The following NBEA variants were observed in gnomAD, a reference collection of about 807,000 sequenced individuals.
The protein encoded by NBEA is lysosomal-trafficking regulator 2.
A neutral mutation model predicts 343.4 loss-of-function variants in NBEA; 44 were observed. The observed-to-expected ratio is 0.13, with a 90% CI of 0.10 to 0.16. NBEA has a LOEUF of 0.16. Among genes scored for constraint, NBEA ranks in the 10% least tolerant of loss-of-function variants. The probability of loss-of-function intolerance (pLI) is 1.00; values close to 1 mark genes in which losing one functional copy is unlikely to be tolerated. For missense variants in NBEA, 2,555 were observed against 3,631.3 expected (o/e 0.70, Z 7.62); for synonymous variants, 1,175 against 1,238.7 (o/e 0.95, Z 1.08).
At chr13:35,387,683 G>C (rs1170793902) in intron 38 of NBEA, among the ~76,000 whole-genome samples, 1 of 152,088 alleles carries the variant, frequency 6.6e-6, no homozygotes, top group Non-Finnish European at 1.5e-5. Context: ...CTTTAAGTTA[G>C]CCTGAAAAGG....
chr13:35,119,676 C>T (rs2066686747), intron 16 of NBEA, among the ~76,000 whole-genome samples: 1 of 152,174 alleles, frequency 6.6e-6, no homozygotes, highest in African/African-American at 2.4e-5. Context: ...AGCTCCACTT[C>T]CCGGGTTCAC....
intron 36 of NBEA, among the ~76,000 whole-genome samples, chr13:35,326,920 C>T (rs1037562041): frequency 6.6e-5 from 10 of 151,928 alleles, no homozygotes; most frequent in Non-Finnish European, 1.3e-4. Context: ...CTATAAAGAA[C>T]TTAAACAAAT....
intron 1 of NBEA, among the ~76,000 whole-genome samples, chr13:35,027,550 T>G (rs182559886): frequency 1.3e-5 from 2 of 152,030 alleles, no homozygotes; most frequent in African/African-American, 2.4e-5. Flanking sequence ...CCAGCTTCTT[T>G]ACTGTTGATT....
intron 38 of NBEA, among the ~76,000 whole-genome samples, chr13:35,359,509 C>CA (rs35199364): frequency 0.14 from 21,820 of 151,514 alleles, 2,080 homozygotes; most frequent in African/African-American, 0.28. Context: ...GCTATTCTAC[C>CA]AAAAAAATAG....
At chr13:35,223,845 C>A (rs2074506853) in intron 33 of NBEA, among the ~76,000 whole-genome samples, 1 of 152,136 alleles carries the variant, frequency 6.6e-6, no homozygotes, top group South Asian at 2.1e-4. Context: ...GTCCAACACT[C>A]AGGTCACACT....
chr13:35,419,716 C>G (rs1566104536), intron 38 of NBEA, among the ~76,000 whole-genome samples: 1 of 151,544 alleles, frequency 6.6e-6, no homozygotes, highest in Non-Finnish European at 1.5e-5. Flanking sequence ...AATATCTACC[C>G]CCACCCCCCG....
At chr13:35,494,721 A>G (rs941186734) in intron 41 of NBEA, among the ~76,000 whole-genome samples, 1 of 152,170 alleles carries the variant, frequency 6.6e-6, no homozygotes, top group African/African-American at 2.4e-5. Context: ...AAACAGTCCA[A>G]TAAAAAATCA....
chr13:35,156,327 G>C (rs887442033), intron 20 of NBEA, 121 bp downstream of exon 20: 1 of 976,070 alleles, frequency 1.0e-6, no homozygotes, highest in Non-Finnish European at 1.4e-6. Flanking sequence ...ATCAGAAAAG[G>C]CATTTTATGT....
Position 35,070,754 on chromosome 13 carries a change from T to C in NBEA, c.1473T>C (p.Ser491=). 6.2e-7 allele frequency: 1 copy of C among 1,608,154 alleles called. No individual in the cohort carries two copies. The highest frequency in any genetic ancestry group is 8.5e-7 in the Non-Finnish European group (1 of 1,177,278). ...CGATAGTAACACATTCAATTCATAGTGCAATTCATTCAATTGGAGGGATTC... is the reference window on the plus strand; with the variant it reads ...CGATAGTAACACATTCAATTCATAGCGCAATTCATTCAATTGGAGGGATTC... ...VKAIVTHSIH[S]AIHSIGGIQV... The change falls in exon 10 of 59, where the codon AGT becomes AGC. Residue 491 remains serine (S), a synonymous_variant. Coordinates refer to ENST00000379939, the MANE Select transcript of NBEA (RefSeq NM_001385012.1).
At position 35,634,823 on chromosome 13, in the gene NBEA, A is replaced by G. The variant is rs530034936; in HGVS notation, c.7617+6575A>G. Among the ~76,000 whole-genome samples, 5 of 151,892 alleles carry G rather than the reference A, an allele frequency of 3.3e-5. No individual in the cohort carries two copies. In the South Asian group the frequency reaches 1.0e-3, roughly 32 times the overall value. On this transcript the variant is annotated intron_variant, in intron 49 of 58. Coordinates refer to ENST00000379939, the MANE Select transcript of NBEA (RefSeq NM_001385012.1). ...TTCTTAGCTTATAGTTTCTTTTTCT[A>G]TCTTTTTCTCAATCTGACAGGGATA...
At chr13:35,374,417 G>A (rs1368137820) in intron 38 of NBEA, among the ~76,000 whole-genome samples, 1 of 152,142 alleles carries the variant, frequency 6.6e-6, no homozygotes, top group Non-Finnish European at 1.5e-5. Context: ...AATATTGGAA[G>A]AATTACGAAA....
At chr13:35,446,950 C>G (rs1342357305) in intron 39 of NBEA, among the ~76,000 whole-genome samples, 2 of 151,606 alleles carry the variant, frequency 1.3e-5, no homozygotes, top group Non-Finnish European at 3.0e-5. Flanking sequence ...GTGGTTATAT[C>G]TCTTTTCTTT....
intron 41 of NBEA, among the ~76,000 whole-genome samples, chr13:35,506,844 A>G (rs1427555885): frequency 2.0e-5 from 3 of 152,136 alleles, no homozygotes; most frequent in African/African-American, 7.2e-5. Flanking sequence ...TAGAGTTTGA[A>G]GGTATTTTCT....
intron 1 of NBEA, among the ~76,000 whole-genome samples, chr13:34,964,612 G>A (rs183541249): frequency 4.8e-4 from 73 of 152,112 alleles, no homozygotes; most frequent in South Asian, 2.1e-3. Context: ...TGAGAGTGAT[G>A]TTGGGGCCCA....
At chr13:35,645,727 T>TTTG in intron 49 of NBEA, 142 bp from the exon 50 acceptor site, 1 of 453,060 alleles carries the variant, frequency 2.2e-6, no homozygotes, top group Non-Finnish European at 3.9e-6. Context: ...TAACAAAAGT[T>TTTG]TTGTTATATT....
chr13:35,014,729 G>A (rs1465023012), intron 1 of NBEA, among the ~76,000 whole-genome samples: 1 of 151,880 alleles, frequency 6.6e-6, no homozygotes, highest in African/African-American at 2.4e-5. Context: ...CTTCTTGGTG[G>A]GAGCAGACAC....
intron 30 of NBEA, among the ~76,000 whole-genome samples, chr13:35,193,083 TTTG>T (rs756118697): frequency 1.3e-5 from 2 of 151,964 alleles, no homozygotes; most frequent in Non-Finnish European, 2.9e-5. Flanking sequence ...TGTTAAAGTT[TTTG>T]TTTCTGCATT....
chr13:35,207,849 A>G (rs552817268), intron 31 of NBEA, among the ~76,000 whole-genome samples: 2 of 152,234 alleles, frequency 1.3e-5, no homozygotes, highest in Admixed American at 6.5e-5. Flanking sequence ...AATAAAGCAT[A>G]ACTTTATTGT....
intron 1 of NBEA, among the ~76,000 whole-genome samples, chr13:34,995,423 G>GAAA (rs35718599): frequency 9.0e-5 from 13 of 143,666 alleles, no homozygotes; most frequent in Admixed American, 8.3e-4. Flanking sequence ...CCTGTCTCAA[G>GAAA]AAAAAAAAAA....
Sources: gnomAD v4.1 joint callset for allele counts (sites outside exome capture counted in the v4.1 genomes callset) on GRCh38, gnomAD v4.1.1 for gene constraint, MANE v1.5 for transcripts, NCBI Gene and HGNC (gene_info 2026-07-23, HGNC 2026-07-21) for gene names.